RAMP3: variants seen among roughly 807,000 people sequenced by gnomAD.
The protein encoded by RAMP3 is receptor activity modifying protein 3.
In RAMP3, 14 loss-of-function variants were observed where a neutral mutation model predicts 13.5. The ratio of observed to expected loss-of-function variants is 1.04; its 90% confidence interval spans 0.69 to 1.63. RAMP3 has a LOEUF of 1.63. Ranked by LOEUF, RAMP3 falls within the 40% of genes most tolerant of loss-of-function variation. The pLI is 0.00. For missense variants in RAMP3, 200 were observed against 204.8 expected (o/e 0.98, Z 0.14); for synonymous variants, 106 against 88.3 (o/e 1.20, Z -1.12).
intron 1 of RAMP3, among the ~76,000 whole-genome samples, chr7:45,172,557 C>A (rs1271326417): frequency 6.6e-6 from 1 of 152,178 alleles, no homozygotes; most frequent in African/African-American, 2.4e-5. Flanking sequence ...CTCACTGCAA[C>A]CTCTGCCTCT....
At position 45,183,807 on chromosome 7, in the gene RAMP3, G is replaced by A; in HGVS notation, c.*395G>A. ...GCAGTCTAGGCCCTGCTTGGACTAG[G>A]ACTCCTTGCTTGACCCCATCTCTGG... On this transcript the variant is annotated 3_prime_UTR_variant, in exon 3 of 3. Transcript: ENST00000242249. The A allele has an allele frequency of 6.2e-6, 3 of 487,026 alleles. No homozygotes were observed. The highest frequency in any genetic ancestry group is 1.1e-5 in the Non-Finnish European group (3 of 277,790). The allele number at this position is 487,026 out of a possible 1,614,324, so 30.2% of individuals were successfully genotyped here. A position where few individuals can be genotyped will look rare whatever the true frequency, so the allele number is the denominator to read the frequency against.
Position 45,177,479 on chromosome 7 carries a change from A to C in RAMP3, c.191+38A>C, listed in dbSNP as rs1281534106. ...GCTGGGCGTGGGATTTGCTCTGACC[A>C]CAGCGCTGCCCACTGCCCAACCACT... On this transcript the variant is annotated intron_variant, in intron 2 of 2. Transcript: ENST00000242249. 5 of 1,612,580 alleles carry C rather than the reference A, an allele frequency of 3.1e-6. No individual in the cohort carries two copies. The African/African-American group carries it at 6.7e-5, about 22-fold the overall frequency.
At position 45,165,626 on chromosome 7, in the gene RAMP3, T is replaced by C. The variant is rs147352929; in HGVS notation, c.58+7740T>C. Among the ~76,000 whole-genome samples the C allele has an allele frequency of 1.4e-3, 213 of 152,366 alleles. 1 individual carries two copies. The highest frequency in any genetic ancestry group is 0.014 in the Middle Eastern group (4 of 294). ...ATTCCTAGAATTTTGCAACCATCAC[T>C]ATACTCAATTATGGAACGTTGTTGT... On this transcript the variant is annotated intron_variant, in intron 1 of 2. Transcript: ENST00000242249.
chr7:45,161,550 C>T (rs1785866777), intron 1 of RAMP3, among the ~76,000 whole-genome samples: 1 of 150,982 alleles, frequency 6.6e-6, no homozygotes, highest in Non-Finnish European at 1.5e-5. Flanking sequence ...CAGGAAAGGG[C>T]TGGGGAGGAG....
intron 2 of RAMP3, 140 bp from the exon 3 acceptor site, chr7:45,183,017 G>A: frequency 8.3e-7 from 1 of 1,202,020 alleles, no homozygotes; most frequent in South Asian, 1.5e-5. Context: ...CCAGAATGGG[G>A]ATTTTCCAAG....
chr7:45,170,797 C>T (rs953320894), intron 1 of RAMP3, among the ~76,000 whole-genome samples: 2 of 152,074 alleles, frequency 1.3e-5, no homozygotes, highest in Admixed American at 1.3e-4. Flanking sequence ...AGGTGTGCCA[C>T]TATGCCTGGC....
chr7:45,163,885 G>T, intron 1 of RAMP3: 1 of 985,296 alleles, frequency 1.0e-6, no homozygotes, highest in Non-Finnish European at 1.2e-6. Context: ...TCTCTTGAAG[G>T]GACGCCAGCT....
intron 1 of RAMP3, among the ~76,000 whole-genome samples, chr7:45,162,788 A>T (rs1785889420): frequency 6.6e-6 from 1 of 152,046 alleles, no homozygotes. Context: ...CTGAATGGGG[A>T]CATTGAGGCT....
rs190947738 is a variant in RAMP3 at position 45,170,497 on chromosome 7, T to A, written c.59-6812T>A. Among the ~76,000 whole-genome samples the A allele has an allele frequency of 3.5e-4, 53 of 152,060 alleles. 1 individual carries two copies. Among genetic ancestry groups the A allele is most frequent in the African/African-American group, 1.2e-3 (51 of 41,486 alleles). ...GGACTACAGGTGCATGCCACCATGC[T>A]TGGCTAATTTTTTGTATTTTTACTA... On this transcript the variant is annotated intron_variant, in intron 1 of 2. Coordinates refer to ENST00000242249, the MANE Select transcript of RAMP3 (RefSeq NM_005856.3).
intron 1 of RAMP3, among the ~76,000 whole-genome samples, chr7:45,160,662 A>G (rs1029326851): frequency 6.6e-6 from 1 of 152,114 alleles, no homozygotes; most frequent in Admixed American, 6.5e-5. Context: ...ATGACTAGCC[A>G]CAAAAGCCCT....
chr7:45,171,547 C>CT (rs1159363048), intron 1 of RAMP3, among the ~76,000 whole-genome samples: 6 of 151,794 alleles, frequency 4.0e-5, no homozygotes, highest in African/African-American at 1.5e-4. Context: ...AGTCTCATGT[C>CT]TTTTTTGATT....
intron 1 of RAMP3, chr7:45,163,319 C>T: frequency 1.0e-6 from 1 of 985,436 alleles, no homozygotes; most frequent in South Asian, 4.7e-5. Flanking sequence ...TCCCTACCAG[C>T]CTTATAGAAG....
rs187490997 is a variant in RAMP3 at position 45,179,162 on chromosome 7, G to A, written c.191+1721G>A. Among the ~76,000 whole-genome samples the A allele has an allele frequency of 2.8e-3, 423 of 152,290 alleles. 3 individuals are homozygous for A. The highest frequency in any genetic ancestry group is 2.8e-3 in the Non-Finnish European group (188 of 68,022). ...CCCAGAGAGGGAGGCTGGAGAGAGC[G>A]GCTGATACGCATTATCTTTTGCCAC... is the stretch of plus-strand genomic sequence containing the variant. On this transcript the variant is annotated intron_variant, in intron 2 of 2. Coordinates refer to ENST00000242249, the MANE Select transcript of RAMP3 (RefSeq NM_005856.3).
intron 2 of RAMP3, among the ~76,000 whole-genome samples, chr7:45,182,156 C>T (rs753262887): frequency 6.6e-5 from 10 of 152,194 alleles, no homozygotes; most frequent in South Asian, 2.1e-4. Context: ...TGGGACAGCG[C>T]GGGAAGGAGG....
intron 2 of RAMP3, among the ~76,000 whole-genome samples, chr7:45,178,930 G>C (rs1330989078): frequency 6.6e-6 from 1 of 152,304 alleles, no homozygotes; most frequent in African/African-American, 2.4e-5. Flanking sequence ...GAAAAGGGGA[G>C]CTGGGAACAG....
intron 1 of RAMP3, 23 bp downstream of exon 1, chr7:45,157,909 C>T (rs1303676943): frequency 7.4e-7 from 1 of 1,346,970 alleles, no homozygotes; most frequent in Non-Finnish European, 9.5e-7. Flanking sequence ...CGGCCCGCAC[C>T]GGGGGCGCCC....
chr7:45,178,845 G>A (rs1454790525), intron 2 of RAMP3, among the ~76,000 whole-genome samples: 6 of 152,218 alleles, frequency 3.9e-5, no homozygotes, highest in Non-Finnish European at 8.8e-5. Flanking sequence ...CAACCCGATG[G>A]GCATTTAGGA....
At position 45,177,299 on chromosome 7, in the gene RAMP3, C is replaced by T. The variant is rs534185056; in HGVS notation, c.59-10C>T. 3 of 1,613,984 alleles carry T rather than the reference C, an allele frequency of 1.9e-6. No homozygotes were observed. Among genetic ancestry groups the T allele is most frequent in the African/African-American group, 1.3e-5 (1 of 75,064 alleles). On this transcript the variant is annotated splice_polypyrimidine_tract_variant and intron_variant, in intron 1 of 2. Transcript: ENST00000242249. ...CTGTAGTGGAATTCTTATGGCTGTC[C>T]CCTCTCCAGGTGGGTGTCCCAGAGC...
At chr7:45,164,942 A>G (rs1785930787) in intron 1 of RAMP3, among the ~76,000 whole-genome samples, 1 of 152,084 alleles carries the variant, frequency 6.6e-6, no homozygotes, top group Non-Finnish European at 1.5e-5. Context: ...TGCTTAGACC[A>G]TTTACTTTCA....
Sources: allele counts gnomAD v4.1 joint callset (sites outside exome capture counted in the v4.1 genomes callset), GRCh38; gene constraint gnomAD v4.1.1; transcripts MANE v1.5; gene names NCBI Gene and HGNC (gene_info 2026-07-23, HGNC 2026-07-21).